The following IQCM variants were observed in gnomAD, a reference collection of about 807,000 sequenced individuals.
The protein encoded by IQCM is IQ motif containing M.
Under a neutral mutation model 57.6 loss-of-function variants are expected in IQCM, and 45 were observed. The ratio of observed to expected loss-of-function variants is 0.78; its 90% CI spans 0.62 to 1.00. The LOEUF is 1.00. Ranked by LOEUF, IQCM falls within the 50% of genes least tolerant of loss-of-function variation. The probability of loss-of-function intolerance (pLI) is 0.00; values close to 1 mark genes in which losing one functional copy is unlikely to be tolerated. For synonymous variants in IQCM, 148 were observed against 158.9 expected (o/e 0.93, Z 0.51); for missense variants, 468 against 511.6 (o/e 0.91, Z 0.82).
At chr4:149,503,816 G>A (rs1743511666) in intron 12 of IQCM, among the ~76,000 whole-genome samples, 1 of 151,986 alleles carries the variant, frequency 6.6e-6, no homozygotes, top group South Asian at 2.1e-4. Context: ...ACATCAAAAT[G>A]TCTACATATA....
At chr4:149,792,537 C>T (rs567418051) in intron 2 of IQCM, among the ~76,000 whole-genome samples, 1 of 152,052 alleles carries the variant, frequency 6.6e-6, no homozygotes, top group Non-Finnish European at 1.5e-5. Context: ...AGTTAGACAG[C>T]CAGGGGGAAA....
intron 2 of IQCM, among the ~76,000 whole-genome samples, chr4:149,768,015 A>T (rs1229637605): frequency 6.6e-6 from 1 of 152,094 alleles, no homozygotes; most frequent in African/African-American, 2.4e-5. Flanking sequence ...CTAGAAAAAA[A>T]TTCATGTGAA....
intron 7 of IQCM, among the ~76,000 whole-genome samples, chr4:149,676,818 AAAG>A (rs1348567661): frequency 6.6e-6 from 1 of 152,048 alleles, no homozygotes; most frequent in Non-Finnish European, 1.5e-5. Context: ...TCTTTATTCT[AAAG>A]AAGAATTGAG....
intron 5 of IQCM, among the ~76,000 whole-genome samples, chr4:149,697,771 C>T (rs1763448242): frequency 6.6e-6 from 1 of 152,082 alleles, no homozygotes; most frequent in South Asian, 2.1e-4. Context: ...TGCCTATCTA[C>T]TGCCAGCAGA....
At chr4:149,595,310 A>T (rs1484048477) in intron 8 of IQCM, among the ~76,000 whole-genome samples, 3 of 152,004 alleles carry the variant, frequency 2.0e-5, no homozygotes, top group African/African-American at 7.2e-5. Context: ...TTTGCTTGGT[A>T]GATCTTCCTC....
intron 7 of IQCM, among the ~76,000 whole-genome samples, chr4:149,633,555 C>T (rs2150099548): frequency 6.6e-6 from 1 of 152,296 alleles, no homozygotes; most frequent in Non-Finnish European, 1.5e-5. Context: ...CTCTCTCCTA[C>T]ACACCAACAG....
chr4:149,586,428 T>C (rs1379831456), intron 9 of IQCM, among the ~76,000 whole-genome samples: 1 of 151,672 alleles, frequency 6.6e-6, no homozygotes, highest in Non-Finnish European at 1.5e-5. Flanking sequence ...TATTCTAATG[T>C]CTATAGGATA....
At chr4:149,510,247 G>A (rs1744266907) in intron 12 of IQCM, among the ~76,000 whole-genome samples, 4 of 152,030 alleles carry the variant, frequency 2.6e-5, no homozygotes, top group Admixed American at 2.6e-4. Context: ...ACTGAGCATG[G>A]TTACTGGTCA....
intron 2 of IQCM, among the ~76,000 whole-genome samples, chr4:149,743,556 G>A (rs1392476158): frequency 2.0e-5 from 3 of 152,134 alleles, no homozygotes; most frequent in African/African-American, 4.8e-5. Flanking sequence ...CTCAATGCTG[G>A]ATGAATATCA....
chr4:149,610,148 C>T (rs755097016), intron 8 of IQCM, among the ~76,000 whole-genome samples: 1 of 151,508 alleles, frequency 6.6e-6, no homozygotes, highest in Non-Finnish European at 1.5e-5. Context: ...CAAATAAAAA[C>T]ACCTAGGAAT....
intron 5 of IQCM, among the ~76,000 whole-genome samples, chr4:149,698,496 G>C (rs1302530902): frequency 6.6e-6 from 1 of 152,090 alleles, no homozygotes; most frequent in Admixed American, 6.6e-5. Flanking sequence ...GTTAGCAGAA[G>C]AGTTGAAAGT....
At chr4:149,391,225 T>C (rs897128270) in intron 13 of IQCM, among the ~76,000 whole-genome samples, 6 of 152,060 alleles carry the variant, frequency 3.9e-5, no homozygotes, top group African/African-American at 1.4e-4. Context: ...TCAGTTTCAA[T>C]AGTTCATGTG....
At chr4:149,469,114 A>T (rs976339795) in intron 12 of IQCM, among the ~76,000 whole-genome samples, 8 of 152,218 alleles carry the variant, frequency 5.3e-5, no homozygotes, top group Non-Finnish European at 8.8e-5. Flanking sequence ...ACAAAGGTGG[A>T]CAGAGAATGA....
intron 10 of IQCM, among the ~76,000 whole-genome samples, chr4:149,556,209 T>C (rs1749563479): frequency 6.6e-6 from 1 of 152,218 alleles, no homozygotes; most frequent in African/African-American, 2.4e-5. Flanking sequence ...CAATTTCTGT[T>C]ATCTTAATGG....
rs1384684772 is a variant in IQCM at position 149,409,819 on chromosome 4, C to T, written c.1390+23577G>A. Among the ~76,000 whole-genome samples, 6 of 152,150 alleles carry T rather than the reference C, an allele frequency of 3.9e-5. No homozygotes were observed. The East Asian group carries it at 1.2e-3, about 29-fold the overall frequency. ...GAGGATAAGCAGGCAGCAGCAATAG[C>T]CTGTTATTGGTCTCTACCTCTCCTG... On this transcript the variant is annotated intron_variant, in intron 13 of 13. Coordinates refer to ENST00000636793, the MANE Select transcript of IQCM (RefSeq NM_001363507.2).
At chr4:149,489,482 GC>G (rs1025975775) in intron 12 of IQCM, among the ~76,000 whole-genome samples, 8 of 151,976 alleles carry the variant, frequency 5.3e-5, no homozygotes, top group African/African-American at 1.4e-4. Context: ...TAAGCTAATT[GC>G]TAGGATAAAA....
At chr4:149,474,341 G>A (rs2149736520) in intron 12 of IQCM, among the ~76,000 whole-genome samples, 1 of 152,062 alleles carries the variant, frequency 6.6e-6, no homozygotes, top group South Asian at 2.1e-4. Flanking sequence ...AAGGCAGGAG[G>A]ACTGCATGAG....
At chr4:149,391,344 C>T (rs1206838419) in intron 13 of IQCM, among the ~76,000 whole-genome samples, 1 of 151,700 alleles carries the variant, frequency 6.6e-6, no homozygotes, top group Non-Finnish European at 1.5e-5. Context: ...ACAATAGCCC[C>T]CCTTTTATTC....
At chr4:149,665,659 T>C (rs1760656711) in intron 7 of IQCM, among the ~76,000 whole-genome samples, 1 of 152,116 alleles carries the variant, frequency 6.6e-6, no homozygotes, top group African/African-American at 2.4e-5. Context: ...TAGAGAGAGA[T>C]TGCTATCCTA....
Sources: allele counts gnomAD v4.1 joint callset (sites outside exome capture counted in the v4.1 genomes callset), GRCh38; gene constraint gnomAD v4.1.1; transcripts MANE v1.5; gene names NCBI Gene and HGNC (gene_info 2026-07-23, HGNC 2026-07-21).